The following TRPC6 variants were observed in gnomAD, a reference collection of about 807,000 sequenced individuals.
The protein encoded by TRPC6 is transient receptor potential cation channel subfamily C member 6, also known as short transient receptor potential channel 6.
TRPC6 carries 55 observed loss-of-function variants against 90.7 expected under a neutral mutation model. That is an observed-to-expected ratio of 0.61 (90% CI 0.49 to 0.76). The LOEUF (loss-of-function observed/expected upper bound fraction) is 0.76, where lower values mean the gene tolerates loss of function less well. Ranked by LOEUF, TRPC6 falls within the 30% of genes least tolerant of loss-of-function variation. The probability of loss-of-function intolerance (pLI) is 0.00; values close to 1 mark genes in which losing one functional copy is unlikely to be tolerated. For missense variants in TRPC6, 989 were observed against 1,122.7 expected (o/e 0.88, Z 1.70); for synonymous variants, 393 against 393.0 (o/e 1.00, Z 0.00).
intron 2 of TRPC6, among the ~76,000 whole-genome samples, chr11:101,493,336 G>A (rs1483362072): frequency 6.6e-6 from 1 of 152,026 alleles, no homozygotes; most frequent in Non-Finnish European, 1.5e-5. Flanking sequence ...AACCATCCTG[G>A]GCCTCATGTC....
chr11:101,533,623 G>T (rs1256498579), intron 1 of TRPC6, among the ~76,000 whole-genome samples: 1 of 152,200 alleles, frequency 6.6e-6, no homozygotes, highest in Non-Finnish European at 1.5e-5. Context: ...GGTTCAGGGA[G>T]TCATAGCAGA....
chr11:101,578,505 T>G (rs1276596925), intron 1 of TRPC6, among the ~76,000 whole-genome samples: 1 of 152,194 alleles, frequency 6.6e-6, no homozygotes, highest in Non-Finnish European at 1.5e-5. Flanking sequence ...AAACTGGGAA[T>G]TCAAACTCTG....
Position 101,518,886 on chromosome 11 carries a change from C to T in TRPC6, c.171-14088G>A, listed in dbSNP as rs534527621. Among the ~76,000 whole-genome samples, 6 of 152,242 alleles carry T rather than the reference C, an allele frequency of 3.9e-5. No homozygotes were observed. In the East Asian group the frequency reaches 9.7e-4, roughly 25 times the overall value. On this transcript the variant is annotated intron_variant, in intron 1 of 12. Coordinates refer to ENST00000344327, the MANE Select transcript of TRPC6 (RefSeq NM_004621.6). ...AAAAAGAATGAGATCCAGGCATTTG[C>T]AACAACATGGATGGAAGTGGAGATC...
At chr11:101,554,168 C>T (rs1861510800) in intron 1 of TRPC6, among the ~76,000 whole-genome samples, 1 of 152,086 alleles carries the variant, frequency 6.6e-6, no homozygotes, top group African/African-American at 2.4e-5. Context: ...GGCAGACAGA[C>T]CAGTATATTC....
At chr11:101,470,182 CT>C (rs1859254760) in intron 9 of TRPC6, among the ~76,000 whole-genome samples, 1 of 152,216 alleles carries the variant, frequency 6.6e-6, no homozygotes, top group South Asian at 2.1e-4. Flanking sequence ...AGGCTCACTA[CT>C]TCTAAAGGCA....
intron 1 of TRPC6, among the ~76,000 whole-genome samples, chr11:101,548,818 CTAT>C (rs1565238978): frequency 6.6e-6 from 1 of 151,768 alleles, no homozygotes; most frequent in Non-Finnish European, 1.5e-5. Flanking sequence ...AATACATATA[CTAT>C]TGAGTGAAAA....
At chr11:101,530,466 GCTGTAGACCCTGAAGCAGCC>G (rs1224020552) in intron 1 of TRPC6, among the ~76,000 whole-genome samples, 2 of 152,032 alleles carry the variant, frequency 1.3e-5, no homozygotes, top group East Asian at 3.9e-4. Context: ...ATGAGGCTGG[GCTGTAGACCCTGAAGCAGCC>G]CTGTAACTCA....
Position 101,494,669 on chromosome 11 carries a change from T to C in TRPC6, c.946-2931A>G, listed in dbSNP as rs115446998. 2.2e-3 allele frequency among the ~76,000 whole-genome samples: 334 copies of C among 152,312 alleles called. 2 individuals carry two copies. Among genetic ancestry groups the C allele is most frequent in the African/African-American group, 7.8e-3 (323 of 41,550 alleles). On this transcript the variant is annotated intron_variant, in intron 2 of 12. Transcript: ENST00000344327. Reference sequence around the variant, plus strand: ...TATTTAGATATTTGAAAAGAAAGTATGATCTTTCAAATGTAGGTAACACTT... The same window carrying C: ...TATTTAGATATTTGAAAAGAAAGTACGATCTTTCAAATGTAGGTAACACTT...
At chr11:101,464,487 A>C (rs1859094315) in intron 10 of TRPC6, among the ~76,000 whole-genome samples, 1 of 152,128 alleles carries the variant, frequency 6.6e-6, no homozygotes, top group Non-Finnish European at 1.5e-5. Flanking sequence ...TATTGAGTGC[A>C]TGTATATTTA....
In TRPC6 at chr11:101,489,065, A is replaced by G; in HGVS notation, c.1165T>C (p.Ser389Pro). ...CCAGAAAGATTCTCATACCAAATGG[A>G]GAGAAGTTGCTGTTGGCAGTTTGGA... ...AHPNCQQQLL[S>P]IWYENLSGLR... Residue 389 changes from serine (S) to proline (P), a missense_variant, in exon 4 of 13, where the codon TCC becomes CCC. Physicochemically the swap from Ser to Pro is moderately conservative, Grantham distance 74. Coordinates refer to ENST00000344327, the MANE Select transcript of TRPC6 (RefSeq NM_004621.6). The G allele has an allele frequency of 2.5e-6, 4 of 1,614,172 alleles. No homozygotes were observed. The highest frequency in any genetic ancestry group is 3.4e-6 in the Non-Finnish European group (4 of 1,179,998).
At chr11:101,500,546 G>GT (rs1252331097) in intron 2 of TRPC6, among the ~76,000 whole-genome samples, 3 of 151,772 alleles carry the variant, frequency 2.0e-5, no homozygotes, top group African/African-American at 7.3e-5. Flanking sequence ...GATTTTTGTA[G>GT]TTTTTGATCT....
In TRPC6 at chr11:101,489,231, C is replaced by T. The variant is rs181664509; in HGVS notation, c.1129-130G>A. ...TTAGAATTAAAGAACAAACATAAAA[C>T]ATCAAATTAACAGGCAACAAACAAA... On this transcript the variant is annotated intron_variant, in intron 3 of 12. Transcript: ENST00000344327. 8 of 874,784 alleles carry T rather than the reference C, an allele frequency of 9.1e-6. No individual in the cohort carries two copies. In the Admixed American group the frequency reaches 1.1e-4, roughly 12 times the overall value. 54.2% of individuals were successfully genotyped at this position (874,784 alleles called of 1,614,324 possible).
chr11:101,514,747 C>G (rs959456312), intron 1 of TRPC6, among the ~76,000 whole-genome samples: 1 of 152,136 alleles, frequency 6.6e-6, no homozygotes, highest in Non-Finnish European at 1.5e-5. Flanking sequence ...CTTCAAAACT[C>G]GGAGACTGGA....
chr11:101,457,843 T>C (rs1396655021), intron 10 of TRPC6, among the ~76,000 whole-genome samples: 2 of 152,174 alleles, frequency 1.3e-5, no homozygotes, highest in African/African-American at 4.8e-5. Flanking sequence ...CACTGGACAT[T>C]CTATAATTGT....
chr11:101,455,556 C>T, intron 10 of TRPC6: 1 of 158,684 alleles, frequency 6.3e-6, no homozygotes, highest in Non-Finnish European at 1.4e-5. Flanking sequence ...TGTGGTGGAG[C>T]AGAATTCAGT....
chr11:101,487,746 A>C (rs1423451805), intron 4 of TRPC6, among the ~76,000 whole-genome samples: 14 of 152,090 alleles, frequency 9.2e-5, no homozygotes, highest in Admixed American at 6.6e-4. Context: ...TGAGATACCA[A>C]ATTTTGGCCT....
At chr11:101,576,893 C>T (rs1194172193) in intron 1 of TRPC6, among the ~76,000 whole-genome samples, 1 of 152,122 alleles carries the variant, frequency 6.6e-6, no homozygotes, top group Non-Finnish European at 1.5e-5. Flanking sequence ...CATTCCACAA[C>T]CTACAATGCT....
chr11:101,578,802 C>G (rs549955213), intron 1 of TRPC6, among the ~76,000 whole-genome samples: 4 of 152,104 alleles, frequency 2.6e-5, no homozygotes, highest in Non-Finnish European at 5.9e-5. Context: ...ATAGTTCTTA[C>G]AAGCTATACA....
intron 1 of TRPC6, among the ~76,000 whole-genome samples, chr11:101,566,474 A>C (rs1270473260): frequency 6.6e-6 from 1 of 152,226 alleles, no homozygotes; most frequent in African/African-American, 2.4e-5. Context: ...CAACATGAAA[A>C]GAAAAAATGT....
Sources: allele counts gnomAD v4.1 joint callset (sites outside exome capture counted in the v4.1 genomes callset), GRCh38; gene constraint gnomAD v4.1.1; transcripts MANE v1.5; gene names NCBI Gene and HGNC (gene_info 2026-07-23, HGNC 2026-07-21).